Variants in GGT7 observed in about 807,000 individuals in gnomAD.
GGT7 encodes the protein gamma-glutamyltransferase 7.
GGT7 carries 30 observed loss-of-function variants against 69.2 expected under a neutral mutation model. The observed-to-expected ratio is 0.43, with a 90% CI of 0.32 to 0.59. The LOEUF (loss-of-function observed/expected upper bound fraction) is 0.59. Ranked by LOEUF, GGT7 falls within the 20% of genes least tolerant of loss-of-function variation. The pLI is 0.05. For missense variants in GGT7, 733 were observed against 901.1 expected, an observed-to-expected ratio of 0.81 and a Z score of 2.39; for synonymous variants, 388 against 391.8, an observed-to-expected ratio of 0.99 and a Z score of 0.12.
intron 4 of GGT7, 63 bp downstream of exon 4, chr20:34,861,382 G>T: frequency 1.4e-6 from 1 of 732,924 alleles, no homozygotes; most frequent in Non-Finnish European, 2.2e-6. Flanking sequence ...TTAATGCTTG[G>T]GTTAGCAGAA....
intron 10 of GGT7, among the ~76,000 whole-genome samples, 195 bp from the exon 11 acceptor site, chr20:34,852,733 T>C (rs1180983742): frequency 6.6e-6 from 1 of 152,232 alleles, no homozygotes; most frequent in Admixed American, 6.5e-5. Flanking sequence ...TATTTAGGTA[T>C]TATTTAGATT....
chr20:34,863,468 G>A lies in GGT7; in HGVS notation c.250C>T (p.Pro84Ser). 1 of 1,610,568 alleles carries A rather than the reference G, an allele frequency of 6.2e-7. No individual in the cohort carries two copies. Among genetic ancestry groups the A allele is most frequent in the Non-Finnish European group, 8.5e-7 (1 of 1,178,902 alleles). The part of the protein sequence containing the change: ...SSEMGSQDGS[P>S]LRETRKDPFS... The stretch of plus-strand genomic sequence containing the variant: ...GGGTCTTTGCGCGTCTCGCGTAGCG[G>A]CGACCCGTCTTGGCTGCCCATCTCC... The change falls in exon 2 of 15, where the codon CCG (proline) becomes TCG (serine). Residue 84 changes from proline to serine, a missense_variant. Physicochemically the swap from Pro to Ser is moderately conservative, Grantham distance 74 (BLOSUM62 -1). Transcript: ENST00000336431. This position sits in a 1 kb window ranked among gnomAD's most constrained non-coding sequence, Gnocchi z 4.4.
chr20:34,850,796 G>C (rs1483948334), intron 13 of GGT7: 2 of 516,178 alleles, frequency 3.9e-6, no homozygotes, highest in Admixed American at 2.0e-5. Flanking sequence ...TGCCAAAATA[G>C]GTGCCTGGCA....
rs968433234 is a variant in GGT7 at position 34,845,357 on chromosome 20, G to A, written c.1960C>T (p.Pro654Ser). The A allele has an allele frequency of 7.4e-6, 12 of 1,614,024 alleles. No individual in the cohort carries two copies. The highest frequency in any genetic ancestry group is 1.7e-5 in the Admixed American group (1 of 60,000). Residue 654 changes from proline (P) to serine (S), a missense_variant, in exon 15 of 15, where the codon CCA becomes TCA. Physicochemically the swap from Pro to Ser is moderately conservative, Grantham distance 74. Transcript: ENST00000336431. ...AGGATGGTGGCTCCAGCTGCATCTG[G>A]GCTCCGAGGGTCCTTAACAGCGATG... ...FIIAVKDPRSPDAAGATIL is the reference protein window; with the variant it reads ...FIIAVKDPRSSDAAGATIL
In GGT7 at chr20:34,872,681, C is replaced by T. The variant is rs1715282835; in HGVS notation, c.135G>A (p.Lys45=). 24 of 1,480,054 alleles carry T rather than the reference C, an allele frequency of 1.6e-5. No individual in the cohort carries two copies. Among genetic ancestry groups the T allele is most frequent in the Non-Finnish European group, 2.1e-5 (24 of 1,120,662 alleles). The allele number at this position is 1,480,054 out of a possible 1,614,324, so 91.7% of individuals were successfully genotyped here. Residue 45 remains lysine (K), a synonymous_variant, in exon 1 of 15, where the codon AAG becomes AAA. Transcript: ENST00000336431. ...GGTCTCCCAGAAAGGCGTCCTCGTC[C>T]TTGCGGCCCCTCAGCGGGGCCGCGG... ...PAPAAPLRGR[K]DEDAFLGDPD... is the part of the protein sequence containing the mutation.
At chr20:34,849,505 G>A (rs2079354635) in intron 14 of GGT7, among the ~76,000 whole-genome samples, 2 of 152,024 alleles carry the variant, frequency 1.3e-5, no homozygotes, top group African/African-American at 4.8e-5. Flanking sequence ...TGCCACCAAA[G>A]AGAAGTCTTC....
In GGT7 at chr20:34,845,367, G is replaced by T. The variant is rs758086086; in HGVS notation, c.1950C>A (p.Asp650Glu). 1.9e-6 allele frequency: 3 copies of T among 1,614,144 alleles called. No individual in the cohort carries two copies. Among genetic ancestry groups the T allele is most frequent in the East Asian group, 2.2e-5 (1 of 44,880 alleles). The change falls in exon 15 of 15, where the codon GAC (aspartate) becomes GAA (glutamate). Residue 650 changes from aspartate (D) to glutamate (E), a missense_variant. Coordinates refer to ENST00000336431, the MANE Select transcript of GGT7 (RefSeq NM_178026.3). ...RTNNFIIAVK[D>E]PRSPDAAGAT... ...CTCCAGCTGCATCTGGGCTCCGAGG[G>T]TCCTTAACAGCGATGATGAAGTTGT... is the stretch of plus-strand genomic sequence containing the variant.
At chr20:34,849,161 C>CT (rs750114916) in intron 14 of GGT7, among the ~76,000 whole-genome samples, 3,611 of 138,392 alleles carry the variant, frequency 0.026, 132 homozygotes, top group African/African-American at 0.078. Context: ...CTCTCTCTTA[C>CT]TTTTTTTTTT....
chr20:34,852,898 G>A (rs117898516), intron 10 of GGT7, among the ~76,000 whole-genome samples: 4 of 152,200 alleles, frequency 2.6e-5, no homozygotes, highest in Admixed American at 1.3e-4. Flanking sequence ...AATGTTTGTA[G>A]TCTAAAGTTT....
At chr20:34,851,485 T>C in intron 12 of GGT7, 117 bp from the exon 13 acceptor site, 1 of 1,051,754 alleles carries the variant, frequency 9.5e-7, no homozygotes, top group African/African-American at 1.6e-5. Flanking sequence ...CAGGCCCAGT[T>C]TTCCTGGGAG....
Position 34,854,581 on chromosome 20 carries a change from T to C in GGT7, c.1269A>G (p.Gly423=). ...KIALALASRL[G]DPVYDSTITE... The stretch of plus-strand genomic sequence containing the variant: ...TGATGGTAGAATCATAGACGGGATC[T>C]CCCAGTCTGCTGGCCAGGGCTAATG... The change falls in exon 10 of 15, where the codon GGA becomes GGG. Residue 423 remains glycine (G), a synonymous_variant. Transcript: ENST00000336431. 6.2e-7 allele frequency: 1 copy of C among 1,613,218 alleles called. No homozygotes were observed. Among genetic ancestry groups the C allele is most frequent in the Non-Finnish European group, 8.5e-7 (1 of 1,179,254 alleles).
Position 34,863,390 on chromosome 20 carries a change from T to C in GGT7, c.328A>G (p.Ile110Val). 2 of 1,614,026 alleles carry C rather than the reference T, an allele frequency of 1.2e-6. No homozygotes were observed. The highest frequency in any genetic ancestry group is 2.2e-5 in the East Asian group (1 of 44,866). ...GCGAAGGTGAGACAGGCCGTGACGA[T>C]GACCGTGAGCCCATCCTGGCGGCAG... ...CSCRQDGLTVIVTACLTFATG... is the reference protein window; with the variant it reads ...CSCRQDGLTVVVTACLTFATG... Residue 110 changes from isoleucine to valine, a missense_variant, in exon 2 of 15, where the codon ATC becomes GTC. By Grantham distance (29) the Ile-to-Val change is conservative. Coordinates refer to ENST00000336431, the MANE Select transcript of GGT7 (RefSeq NM_178026.3). The surrounding 1 kb of genome is among the most constrained non-coding windows in gnomAD (Gnocchi z 4.4).
intron 14 of GGT7, among the ~76,000 whole-genome samples, chr20:34,849,644 A>G (rs2079356842): frequency 6.6e-6 from 1 of 152,192 alleles, no homozygotes; most frequent in African/African-American, 2.4e-5. Flanking sequence ...AGCACCTAGG[A>G]TGATGCCTGG....
intron 3 of GGT7, among the ~76,000 whole-genome samples, chr20:34,862,489 G>A (rs2079614126): frequency 6.6e-6 from 1 of 150,824 alleles, no homozygotes; most frequent in Middle Eastern, 3.4e-3. Flanking sequence ...AGGGATTTAT[G>A]ATCCTAGAAG....
Position 34,845,061 on chromosome 20 carries a change from G to A in GGT7, c.*267C>T, listed in dbSNP as rs1182652411. 1 of 506,428 alleles carries A rather than the reference G, an allele frequency of 2.0e-6. No homozygotes were observed. Among genetic ancestry groups the A allele is most frequent in the Non-Finnish European group, 3.5e-6 (1 of 281,930 alleles). The allele number at this position is 506,428 out of a possible 1,614,324, so 31.4% of individuals were successfully genotyped here. ...AGGAGAGGTGACACACAGACAGATA[G>A]TCTGATTCCTCAAGGTCCTGCCTGC... On this transcript the variant is annotated 3_prime_UTR_variant, in exon 15 of 15. Transcript: ENST00000336431.
chr20:34,860,202 C>T, intron 5 of GGT7, 52 bp downstream of exon 5: 1 of 1,372,660 alleles, frequency 7.3e-7, no homozygotes, highest in South Asian at 1.2e-5. Flanking sequence ...AGAAGGCCAC[C>T]CAAGGAGAGA....
intron 5 of GGT7, 30 bp downstream of exon 5, chr20:34,860,224 G>A (rs768745642): frequency 6.5e-7 from 1 of 1,527,578 alleles, no homozygotes; most frequent in South Asian, 1.1e-5. Flanking sequence ...GCAAACGGGG[G>A]TCCCTGGTCC....
intron 4 of GGT7, 53 bp from the exon 5 acceptor site, chr20:34,860,374 G>C: frequency 7.2e-7 from 1 of 1,392,062 alleles, no homozygotes; most frequent in Non-Finnish European, 1.0e-6. Context: ...CTGGAAGGGG[G>C]GTGCTGGGCT....
At position 34,863,383 on chromosome 20, in the gene GGT7, G is replaced by A. The variant is rs755463047; in HGVS notation, c.335C>T (p.Thr112Met). Residue 112 changes from threonine to methionine, a missense_variant, in exon 2 of 15, where the codon ACG (threonine) becomes ATG (methionine). Coordinates refer to ENST00000336431, the MANE Select transcript of GGT7 (RefSeq NM_178026.3). This position sits in a 1 kb window ranked among gnomAD's most constrained non-coding sequence, Gnocchi z 4.4. ...ACCGGTAGCGAAGGTGAGACAGGCC[G>A]TGACGATGACCGTGAGCCCATCCTG... ...CRQDGLTVIV[T>M]ACLTFATGVT... 2 of 1,614,024 alleles carry A rather than the reference G, an allele frequency of 1.2e-6. No homozygotes were observed. Among genetic ancestry groups the A allele is most frequent in the South Asian group, 1.1e-5 (1 of 91,084 alleles).
Sources: allele counts gnomAD v4.1 joint callset (sites outside exome capture counted in the v4.1 genomes callset), GRCh38; gene constraint gnomAD v4.1.1; non-coding constraint Gnocchi (gnomAD v3.1); transcripts MANE v1.5; gene names NCBI Gene and HGNC (gene_info 2026-07-23, HGNC 2026-07-21).